FHIT: variants seen among roughly 807,000 people sequenced by gnomAD.
FHIT encodes fragile histidine triad diadenosine triphosphatase.
FHIT carries 19 observed loss-of-function variants against 17.9 expected under a neutral mutation model. The observed-to-expected ratio is 1.06, with a 90% CI of 0.74 to 1.56. The LOEUF (loss-of-function observed/expected upper bound fraction) is 1.56. Among genes scored for constraint, FHIT ranks in the 40% most tolerant of loss-of-function variants. The pLI, the probability that FHIT is intolerant of heterozygous loss-of-function variation, is 0.00. For synonymous variants in FHIT, 81 were observed against 69.7 expected (o/e 1.16, Z -0.81); for missense variants, 248 against 189.2 (o/e 1.31, Z -1.82).
At chr3:60,839,326 A>G (rs1428396193) in intron 3 of FHIT, among the ~76,000 whole-genome samples, 1 of 151,968 alleles carries the variant, frequency 6.6e-6, no homozygotes, top group Admixed American at 6.5e-5. Flanking sequence ...AAAGTAAAAG[A>G]CTCAGCCGAT....
chr3:60,124,057 C>CAGAGAG (rs779032573), intron 5 of FHIT, among the ~76,000 whole-genome samples: 2 of 63,392 alleles, frequency 3.2e-5, no homozygotes, highest in Admixed American at 1.8e-4. Flanking sequence ...GAGAGAGAGA[C>CAGAGAG]AGAGAGAGAG....
At chr3:60,228,309 T>C (rs763878401) in intron 5 of FHIT, among the ~76,000 whole-genome samples, 4 of 152,160 alleles carry the variant, frequency 2.6e-5, no homozygotes, top group Non-Finnish European at 4.4e-5. Context: ...ACATTAAGCA[T>C]AGGAGAATGA....
intron 8 of FHIT, among the ~76,000 whole-genome samples, chr3:59,914,342 A>C (rs1333754193): frequency 6.6e-6 from 1 of 152,128 alleles, no homozygotes; most frequent in Non-Finnish European, 1.5e-5. Flanking sequence ...ACAAAAATAT[A>C]ACCACATTTG....
At position 59,852,329 on chromosome 3, in the gene FHIT, C is replaced by T. The variant is rs781427944; in HGVS notation, c.348+70017G>A. On this transcript the variant is annotated intron_variant, in intron 8 of 9. Coordinates refer to ENST00000492590, the MANE Select transcript of FHIT (RefSeq NM_002012.4). ...CACACATACTATATACCAAGAAATGCGCCACACCTTTTACATGAATACTCA... is the reference window on the plus strand; with the variant it reads ...CACACATACTATATACCAAGAAATGTGCCACACCTTTTACATGAATACTCA... Among the ~76,000 whole-genome samples the T allele has an allele frequency of 5.3e-5, 8 of 152,222 alleles. 1 individual carries two copies. Among genetic ancestry groups the T allele is most frequent in the South Asian group, 4.1e-4 (2 of 4,826 alleles).
intron 5 of FHIT, among the ~76,000 whole-genome samples, chr3:60,534,296 G>T (rs242241): frequency 1.1e-4 from 17 of 149,964 alleles, no homozygotes; most frequent in African/African-American, 3.4e-4. Context: ...AGCCGGGCGC[G>T]GTGGCGGGCG....
At chr3:59,914,814 C>CT (rs936082330) in intron 8 of FHIT, among the ~76,000 whole-genome samples, 250 of 146,064 alleles carry the variant, frequency 1.7e-3, no homozygotes, top group Middle Eastern at 0.015. Context: ...TTCCAATAGT[C>CT]TTTTTTTTTT....
chr3:60,822,212 G>A (rs1701954540), intron 3 of FHIT, among the ~76,000 whole-genome samples: 1 of 152,170 alleles, frequency 6.6e-6, no homozygotes, highest in Non-Finnish European at 1.5e-5. Flanking sequence ...TCAAAAGGGT[G>A]TAAGTGGTTC....
chr3:60,590,441 G>A (rs939864418), intron 4 of FHIT, among the ~76,000 whole-genome samples: 1 of 152,016 alleles, frequency 6.6e-6, no homozygotes. Flanking sequence ...TAATTCTTAG[G>A]ATGTTATTGA....
intron 7 of FHIT, among the ~76,000 whole-genome samples, chr3:59,946,953 A>G (rs1706838617): frequency 6.6e-6 from 1 of 152,176 alleles, no homozygotes; most frequent in Non-Finnish European, 1.5e-5. Context: ...TGTTCATCAA[A>G]GATACTGGCC....
chr3:60,266,783 G>A (rs1288751409), intron 5 of FHIT, among the ~76,000 whole-genome samples: 1 of 152,098 alleles, frequency 6.6e-6, no homozygotes, highest in African/African-American at 2.4e-5. Flanking sequence ...TCTCTAGGAA[G>A]ATGAAAGTGC....
At chr3:60,492,383 T>G (rs1368470866) in intron 5 of FHIT, among the ~76,000 whole-genome samples, 1 of 152,196 alleles carries the variant, frequency 6.6e-6, no homozygotes, top group Non-Finnish European at 1.5e-5. Flanking sequence ...CAGAGTTAAT[T>G]GAAAGATTTG....
chr3:60,263,615 A>G (rs1164708892), intron 5 of FHIT, among the ~76,000 whole-genome samples: 1 of 151,968 alleles, frequency 6.6e-6, no homozygotes, highest in African/African-American at 2.4e-5. Context: ...TAAAAAGCCA[A>G]ACCTAATCTA....
intron 5 of FHIT, among the ~76,000 whole-genome samples, chr3:60,530,472 A>C (rs2035735741): frequency 6.6e-6 from 1 of 152,098 alleles, no homozygotes; most frequent in South Asian, 2.1e-4. Context: ...GCTTCCAACA[A>C]TCCATTGTTC....
At chr3:60,088,298 T>TTG (rs1341484262) in intron 5 of FHIT, among the ~76,000 whole-genome samples, 2 of 152,178 alleles carry the variant, frequency 1.3e-5, no homozygotes, top group East Asian at 3.9e-4. Context: ...AACATGTGCC[T>TTG]TGACAGGGAC....
chr3:61,015,275 AT>A (rs958176224), intron 3 of FHIT, among the ~76,000 whole-genome samples: 5 of 151,230 alleles, frequency 3.3e-5, no homozygotes, highest in South Asian at 2.1e-4. Context: ...TCGAAGGGGG[AT>A]TTTTTTTTAT....
rs1447181008 is a variant in FHIT at position 61,191,546 on chromosome 3, T to C, written c.-164+9071A>G. Among the ~76,000 whole-genome samples the C allele has an allele frequency of 3.3e-5, 5 of 152,304 alleles. No homozygotes were observed. In the East Asian group the frequency reaches 9.7e-4, roughly 29 times the overall value. On this transcript the variant is annotated intron_variant, in intron 2 of 9. Coordinates refer to ENST00000492590, the MANE Select transcript of FHIT (RefSeq NM_002012.4). ...ATAAACCAATAAATAACCTTTTGGT[T>C]CTGTTTCTCTGAAGAATCCTGACTA...
chr3:60,023,581 C>G (rs1051157484), intron 5 of FHIT, among the ~76,000 whole-genome samples: 1 of 152,120 alleles, frequency 6.6e-6, no homozygotes, highest in Admixed American at 6.5e-5. Flanking sequence ...GCCAATGGAG[C>G]AACCAGACAA....
intron 4 of FHIT, among the ~76,000 whole-genome samples, chr3:60,543,297 T>C (rs1027174823): frequency 6.6e-6 from 1 of 152,188 alleles, no homozygotes. Context: ...ATCTTGTTAA[T>C]GTCTAAAGAA....
At chr3:61,177,566 C>T (rs2038198147) in intron 2 of FHIT, among the ~76,000 whole-genome samples, 1 of 152,170 alleles carries the variant, frequency 6.6e-6, no homozygotes, top group African/African-American at 2.4e-5. Flanking sequence ...GAACTTTTGG[C>T]TCTCTGACAT....
Sources: allele counts gnomAD v4.1 joint callset (sites outside exome capture counted in the v4.1 genomes callset), GRCh38; gene constraint gnomAD v4.1.1; transcripts MANE v1.5; gene names NCBI Gene and HGNC (gene_info 2026-07-23, HGNC 2026-07-21).